Variants in DHCR7 observed in about 807,000 individuals in gnomAD.
The protein encoded by DHCR7 is 7-dehydrocholesterol reductase, also known as 7-DHC reductase.
In DHCR7, 40 loss-of-function variants were observed where a neutral mutation model predicts 43.3. The observed-to-expected ratio is 0.92, with a 90% CI of 0.72 to 1.20. DHCR7 has a LOEUF of 1.20. DHCR7 is among the 50% of genes most tolerant of loss of function. DHCR7 has a pLI of 0.00. For synonymous variants in DHCR7, 298 were observed against 271.4 expected (o/e 1.10, Z -0.96); for missense variants, 608 against 644.6 (o/e 0.94, Z 0.62).
At chr11:71,430,640 A>G (rs1187566116), downstream of DHCR7, among the ~76,000 whole-genome samples, 2 of 152,238 alleles carry the variant, frequency 1.3e-5, no homozygotes. Context: ...CCAGCATCCA[A>G]AAAGAATGAA....
In DHCR7 at chr11:71,434,769, A is replaced by C; in HGVS notation, c.*606T>G. The stretch of plus-strand genomic sequence containing the variant: ...TCTCTGAGGTCTGCAGACTCCAGGC[A>C]GAGCACTCCTGGCAGCTGTGCAGCA... On this transcript the variant is annotated 3_prime_UTR_variant, in exon 9 of 9. Transcript: ENST00000355527. 3.5e-6 allele frequency: 1 copy of C among 289,432 alleles called. No homozygotes were observed. Among genetic ancestry groups the C allele is most frequent in the South Asian group, 3.2e-5 (1 of 31,306 alleles). 17.9% of individuals were successfully genotyped at this position (289,432 alleles called of 1,614,324 possible). A position where few individuals can be genotyped will look rare whatever the true frequency, so the allele number is the denominator to read the frequency against.
At chr11:71,440,459 G>T (rs1486999036) in intron 6 of DHCR7, among the ~76,000 whole-genome samples, 1 of 150,130 alleles carries the variant, frequency 6.7e-6, no homozygotes, top group African/African-American at 2.5e-5. Flanking sequence ...GCAGGTGGAT[G>T]AGATGGATGA....
chr11:71,427,613 G>T (rs1949206473), downstream of DHCR7, among the ~76,000 whole-genome samples: 1 of 152,180 alleles, frequency 6.6e-6, no homozygotes, highest in South Asian at 2.1e-4. Context: ...CAGGTCTGAT[G>T]ATTCACTAAG....
chr11:71,436,846 A>G (rs986574632), intron 8 of DHCR7, among the ~76,000 whole-genome samples: 2 of 152,208 alleles, frequency 1.3e-5, no homozygotes, highest in African/African-American at 2.4e-5. Context: ...AACCTAATAT[A>G]TAGTATAAAA....
chr11:71,437,623 G>A (rs2852857), intron 8 of DHCR7, among the ~76,000 whole-genome samples, 189 bp downstream of exon 8: 1 of 152,156 alleles, frequency 6.6e-6, no homozygotes, highest in African/African-American at 2.4e-5. Flanking sequence ...AGATGTTAGG[G>A]ACATACTCAA....
downstream of DHCR7, among the ~76,000 whole-genome samples, chr11:71,431,549 C>G (rs143489302): frequency 5.9e-5 from 9 of 152,280 alleles, no homozygotes; most frequent in Non-Finnish European, 1.2e-4. Context: ...CCAGTGCCTG[C>G]GTGGAAACCC....
At chr11:71,431,753 G>A (rs748637605), downstream of DHCR7, among the ~76,000 whole-genome samples, 17 of 152,180 alleles carry the variant, frequency 1.1e-4, no homozygotes, top group African/African-American at 2.2e-4. Flanking sequence ...TATTACCTCC[G>A]CTATGCAGCT....
At position 71,438,809 on chromosome 11, in the gene DHCR7, G is replaced by T. The variant is rs564709749; in HGVS notation, c.831+70C>A. ...CAGTAGATTAAGGTCATGGGAATAC[G>T]CTCTGGCTTGCGGGTTCCCCCAGAG... is the stretch of plus-strand genomic sequence containing the variant. On this transcript the variant is annotated intron_variant, in intron 7 of 8. Transcript: ENST00000355527. The T allele has an allele frequency of 9.0e-5, 135 of 1,500,546 alleles. 1 individual carries two copies. The highest frequency in any genetic ancestry group is 2.8e-4 in the South Asian group (25 of 88,074). The allele number at this position is 1,500,546 out of a possible 1,614,324, so 93.0% of individuals were successfully genotyped here.
rs1048967731 is a variant in DHCR7 at position 71,438,631 on chromosome 11, G to A, written c.831+248C>T. ...CTACCCAGGTGTAATCCCCAAGGGAGACCTTCCTGGACCACGCCTGGCTGC... is the reference window on the plus strand; with the variant it reads ...CTACCCAGGTGTAATCCCCAAGGGAAACCTTCCTGGACCACGCCTGGCTGC... On this transcript the variant is annotated intron_variant, in intron 7 of 8. Transcript: ENST00000355527. 3 of 581,212 alleles carry A rather than the reference G, an allele frequency of 5.2e-6. No homozygotes were observed. In the East Asian group the frequency reaches 8.8e-5, roughly 17 times the overall value. The allele number at this position is 581,212 out of a possible 1,614,324, so 36.0% of individuals were successfully genotyped here.
intron 6 of DHCR7, among the ~76,000 whole-genome samples, chr11:71,440,270 A>G (rs1273849912): frequency 6.6e-6 from 1 of 152,130 alleles, no homozygotes; most frequent in Non-Finnish European, 1.5e-5. Context: ...GAGATGATGC[A>G]TTCCTTCCCC....
intron 2 of DHCR7, among the ~76,000 whole-genome samples, chr11:71,429,218 T>C (rs1006248575): frequency 6.6e-6 from 1 of 152,194 alleles, no homozygotes; most frequent in Non-Finnish European, 1.5e-5. Context: ...GGCATGGCTA[T>C]TGCTGTGTCA....
rs551260416 is a variant in DHCR7 at position 71,438,931 on chromosome 11, C to T, written c.779G>A (p.Arg260Gln). The change falls in exon 7 of 9, where the codon CGG becomes CAG. Residue 260 changes from arginine (R) to glutamine (Q), a missense_variant. By Grantham distance (43) the Arg-to-Gln change is conservative. Coordinates refer to ENST00000355527, the MANE Select transcript of DHCR7 (RefSeq NM_001360.3). ...LINLSFAAKQ[R>Q]ELHSHVTNAM... Reference sequence around the variant, plus strand: ...ATTGGTCACATGGCTGTGGAGCTCCCGCTGCTTCGCTGCGAAGGACAGGTT... The same window carrying T: ...ATTGGTCACATGGCTGTGGAGCTCCTGCTGCTTCGCTGCGAAGGACAGGTT... 36 of 1,614,002 alleles carry T rather than the reference C, an allele frequency of 2.2e-5. No individual in the cohort carries two copies. Among genetic ancestry groups the T allele is most frequent in the African/African-American group, 2.1e-4 (16 of 75,066 alleles).
intron 2 of DHCR7, among the ~76,000 whole-genome samples, chr11:71,445,383 G>A (rs1373071058): frequency 6.6e-6 from 1 of 152,186 alleles, no homozygotes; most frequent in Non-Finnish European, 1.5e-5. Context: ...ACGTTTGCAG[G>A]TGTCCTTGTT....
downstream of DHCR7, among the ~76,000 whole-genome samples, chr11:71,433,840 C>T (rs1949243270): frequency 6.6e-6 from 1 of 152,252 alleles, no homozygotes; most frequent in South Asian, 2.1e-4. Context: ...GTGTGTCCAG[C>T]ACAGATGCAC....
At chr11:71,438,058 A>T (rs964866340) in intron 7 of DHCR7, 115 bp from the exon 8 acceptor site, 1 of 1,239,588 alleles carries the variant, frequency 8.1e-7, no homozygotes, top group Admixed American at 1.8e-5. Flanking sequence ...CTGCTCAGCA[A>T]CTTCCTCAAT....
In DHCR7 at chr11:71,447,632, T is replaced by C. The variant is rs1282500735; in HGVS notation, c.-29A>G. 1 of 152,200 alleles carries C rather than the reference T, an allele frequency of 6.6e-6. No homozygotes were observed. Among genetic ancestry groups the C allele is most frequent in the Non-Finnish European group, 1.5e-5 (1 of 68,052 alleles). The allele number at this position is 152,200 out of a possible 1,614,324, so 9.4% of individuals were successfully genotyped here. On this transcript the variant is annotated 5_prime_UTR_variant, in exon 2 of 9. Coordinates refer to ENST00000355527, the MANE Select transcript of DHCR7 (RefSeq NM_001360.3). ...TACCTCCAGCCTCTTGCCAAATAGT[T>C]TCACAGCAGAAGGGAACTTTTCCTT...
downstream of DHCR7, among the ~76,000 whole-genome samples, chr11:71,433,839 GCA>G (rs1403128745): frequency 6.6e-6 from 1 of 152,232 alleles, no homozygotes; most frequent in African/African-American, 2.4e-5. Flanking sequence ...TGTGTGTCCA[GCA>G]CAGATGCACG....
chr11:71,436,404 C>G (rs1053146367), intron 8 of DHCR7, among the ~76,000 whole-genome samples: 2 of 152,190 alleles, frequency 1.3e-5, no homozygotes, highest in Non-Finnish European at 2.9e-5. Context: ...GTGGCTCACA[C>G]CTGTAATCCC....
rs771419549 is a variant in DHCR7 at position 71,444,167 on chromosome 11, G to A, written c.147C>T (p.Phe49=). The A allele has an allele frequency of 2.1e-5, 34 of 1,608,230 alleles. No homozygotes were observed. Among genetic ancestry groups the A allele is most frequent in the Middle Eastern group, 1.6e-4 (1 of 6,078 alleles). The part of the protein sequence containing the change: ...SLASVIFLLL[F]APFIVYYFIM... The stretch of plus-strand genomic sequence containing the variant: ...TGAAGTAGTAGACGATGAAGGGGGC[G>A]AACAGCAGTAGGAAGATGACGCTCG... The change falls in exon 4 of 9, where the codon TTC becomes TTT. Residue 49 remains phenylalanine (F), a synonymous_variant. Transcript: ENST00000355527.
Sources: gnomAD v4.1 joint callset for allele counts (sites outside exome capture counted in the v4.1 genomes callset) on GRCh38, gnomAD v4.1.1 for gene constraint, MANE v1.5 for transcripts, NCBI Gene and HGNC (gene_info 2026-07-23, HGNC 2026-07-21) for gene names.